PRKAR1A: variants seen among roughly 807,000 people sequenced by gnomAD.
PRKAR1A encodes protein kinase cAMP-dependent type I regulatory subunit alpha.
In PRKAR1A, 3 loss-of-function variants were observed where a neutral mutation model predicts 52.0. The observed-to-expected ratio is 0.06, with a 90% CI of 0.03 to 0.15. PRKAR1A has a LOEUF of 0.15. Among genes scored for constraint, PRKAR1A ranks in the 10% least tolerant of loss-of-function variants. PRKAR1A has a pLI of 1.00. For synonymous variants in PRKAR1A, 188 were observed against 168.4 expected, an observed-to-expected ratio of 1.12 and a Z score of -0.90; for missense variants, 240 against 477.4, an observed-to-expected ratio of 0.50 and a Z score of 4.63.
intron 11 of PRKAR1A, among the ~76,000 whole-genome samples, chr17:68,545,433 A>T (rs1380662175): frequency 1.3e-5 from 2 of 152,254 alleles, no homozygotes; most frequent in Non-Finnish European, 2.9e-5. Context: ...ACGTTTCATT[A>T]TACTGGAGTC....
rs1264745183 is a variant in PRKAR1A at position 68,530,814 on chromosome 17, A to G, written c.*365A>G. On this transcript the variant is annotated 3_prime_UTR_variant, in exon 11 of 11. Transcript: ENST00000589228. The stretch of plus-strand genomic sequence containing the variant: ...GTGCAAGATTTTTTTTTTAAGTGAC[A>G]TAATTGTCCAGTTATAAGCGTATTT... 8.0e-6 allele frequency: 10 copies of G among 1,249,956 alleles called. No homozygotes were observed. The highest frequency in any genetic ancestry group is 1.5e-5 in the African/African-American group (1 of 66,542). 77.4% of individuals were successfully genotyped at this position (1,249,956 alleles called of 1,614,324 possible). A position where few individuals can be genotyped will look rare whatever the true frequency, so the allele number is the denominator to read the frequency against.
the PRKAR1A span, among the ~76,000 whole-genome samples, chr17:68,480,537 C>T: frequency 6.6e-6 from 1 of 152,140 alleles, no homozygotes; most frequent in Non-Finnish European, 1.5e-5. Context: ...TACCCAGACT[C>T]AGATGACACA....
intron 11 of PRKAR1A, among the ~76,000 whole-genome samples, chr17:68,548,402 C>T (rs1222239351): frequency 4.6e-5 from 7 of 152,070 alleles, no homozygotes; most frequent in Non-Finnish European, 8.8e-5. Flanking sequence ...TGGTGGGCAG[C>T]GCCTTTAGTC....
chr17:68,511,035 A>G (rs116914279), upstream of PRKAR1A, among the ~76,000 whole-genome samples: 54 of 152,358 alleles, frequency 3.5e-4, no homozygotes, highest in East Asian at 7.9e-3. Flanking sequence ...TACCTAATAT[A>G]TCAAAAATAT....
chr17:68,426,833 C>T, the PRKAR1A span, among the ~76,000 whole-genome samples: 1 of 152,210 alleles, frequency 6.6e-6, no homozygotes, highest in Admixed American at 6.5e-5. Context: ...ATGTGCCTGG[C>T]CTCATTGGAA....
chr17:68,471,278 A>G, the PRKAR1A span, among the ~76,000 whole-genome samples: 2 of 152,210 alleles, frequency 1.3e-5, no homozygotes, highest in African/African-American at 4.8e-5. Flanking sequence ...TATCTCTAAG[A>G]TGGGAAAAAA....
chr17:68,434,604 G>A, the PRKAR1A span: 57 of 1,614,074 alleles, frequency 3.5e-5, no homozygotes, highest in Non-Finnish European at 4.5e-5. Flanking sequence ...ATCAGGGACA[G>A]AGAACACCCG....
Position 68,530,665 on chromosome 17 carries a change from A to C in PRKAR1A, c.*216A>C. The C allele has an allele frequency of 6.9e-7, 1 of 1,448,506 alleles. No homozygotes were observed. Among genetic ancestry groups the C allele is most frequent in the Non-Finnish European group, 9.1e-7 (1 of 1,102,262 alleles). 89.7% of individuals were successfully genotyped at this position (1,448,506 alleles called of 1,614,324 possible). A position where few individuals can be genotyped will look rare whatever the true frequency, so the allele number is the denominator to read the frequency against. On this transcript the variant is annotated 3_prime_UTR_variant, in exon 11 of 11. Transcript: ENST00000589228. ...TAAATAAATAGAAAGAGTTCTATGG[A>C]GACTTTGCTGTTACTGCTTCTCTTT...
intron 2 of PRKAR1A, among the ~76,000 whole-genome samples, chr17:68,516,831 T>C (rs945219885): frequency 6.6e-6 from 1 of 152,214 alleles, no homozygotes; most frequent in Non-Finnish European, 1.5e-5. Context: ...TTCCAAATCA[T>C]GGAAGTATTG....
At chr17:68,528,646 C>A (rs943033395) in intron 8 of PRKAR1A, 2 of 580,378 alleles carry the variant, frequency 3.4e-6, no homozygotes, top group African/African-American at 3.7e-5. Context: ...ATAAATTAAC[C>A]TAGCCACTGG....
the PRKAR1A span, among the ~76,000 whole-genome samples, chr17:68,463,324 A>G: frequency 1.3e-5 from 2 of 152,342 alleles, no homozygotes; most frequent in East Asian, 1.9e-4. Context: ...CTGTCTATAA[A>G]TGGAAAACAC....
the PRKAR1A span, among the ~76,000 whole-genome samples, chr17:68,481,042 C>T: frequency 6.6e-6 from 1 of 152,210 alleles, no homozygotes; most frequent in African/African-American, 2.4e-5. Flanking sequence ...TCAGGTGTCT[C>T]CCTACCCAGT....
chr17:68,483,842 C>G, the PRKAR1A span, among the ~76,000 whole-genome samples: 1 of 132,814 alleles, frequency 7.5e-6, no homozygotes, highest in Non-Finnish European at 1.6e-5. Context: ...GCCTGGGTAA[C>G]AAGAGCAAAA....
the PRKAR1A span, among the ~76,000 whole-genome samples, chr17:68,506,741 C>T: frequency 3.0e-4 from 45 of 152,252 alleles, no homozygotes; most frequent in African/African-American, 1.0e-3. Context: ...CTCAGCCTCC[C>T]AAAGTGCTGA....
At chr17:68,450,865 G>A in the PRKAR1A span, 1 of 1,613,894 alleles carries the variant, frequency 6.2e-7, no homozygotes, top group Non-Finnish European at 8.5e-7. Flanking sequence ...CTGGAGAAGA[G>A]GCGCTCCACG....
At chr17:68,440,905 TAGAA>T in the PRKAR1A span, 3 of 152,240 alleles carry the variant, frequency 2.0e-5, no homozygotes, top group Non-Finnish European at 2.9e-5. Flanking sequence ...TTTTCAAAAA[TAGAA>T]AGACATCTTC....
At chr17:68,437,292 C>A in the PRKAR1A span, among the ~76,000 whole-genome samples, 3 of 152,078 alleles carry the variant, frequency 2.0e-5, no homozygotes, top group African/African-American at 7.2e-5. Context: ...AGGTGGCCCA[C>A]ACCTGTGATC....
At chr17:68,520,445 G>A (rs961461060) in intron 2 of PRKAR1A, among the ~76,000 whole-genome samples, 3 of 152,086 alleles carry the variant, frequency 2.0e-5, no homozygotes, top group Non-Finnish European at 4.4e-5. Flanking sequence ...AGACTGGGAG[G>A]TTTTTTCTAA....
At chr17:68,495,620 CTTA>C in the PRKAR1A span, among the ~76,000 whole-genome samples, 1 of 152,312 alleles carries the variant, frequency 6.6e-6, no homozygotes, top group African/African-American at 2.4e-5. Context: ...ACGTGCTTCT[CTTA>C]TTATACTCAT....
Sources: gnomAD v4.1 joint callset for allele counts (sites outside exome capture counted in the v4.1 genomes callset) on GRCh38, gnomAD v4.1.1 for gene constraint, MANE v1.5 for transcripts, NCBI Gene and HGNC (gene_info 2026-07-23, HGNC 2026-07-21) for gene names.